The following RAB28 variants were observed in gnomAD, a reference collection of about 807,000 sequenced individuals.
RAB28 encodes RAB28, member RAS oncogene family.
RAB28 carries 24 observed loss-of-function variants against 31.7 expected under a neutral mutation model. That is an observed-to-expected ratio of 0.76 (90% confidence interval 0.55 to 1.06). The LOEUF (loss-of-function observed/expected upper bound fraction) is 1.06. RAB28 is among the 50% of genes least tolerant of loss of function. The probability of loss-of-function intolerance (pLI) is 0.00; values close to 1 mark genes in which losing one functional copy is unlikely to be tolerated. For missense variants in RAB28, 254 were observed against 258.5 expected, an observed-to-expected ratio of 0.98 and a Z score of 0.12; for synonymous variants, 100 against 90.4, an observed-to-expected ratio of 1.11 and a Z score of -0.60.
At chr4:13,440,679 A>G (rs1271297885) in intron 4 of RAB28, among the ~76,000 whole-genome samples, 1 of 152,090 alleles carries the variant, frequency 6.6e-6, no homozygotes, top group Non-Finnish European at 1.5e-5. Context: ...TCTGATGTGG[A>G]CTGAATTGTA....
rs1716761800 is a variant in RAB28, at chr4:13,484,208, C to T, written c.-58G>A. 1 of 1,408,406 alleles carries T rather than the reference C, an allele frequency of 7.1e-7. No individual in the cohort carries two copies. Among genetic ancestry groups the T allele is most frequent in the Non-Finnish European group, 9.8e-7 (1 of 1,017,658 alleles). The allele number at this position is 1,408,406 out of a possible 1,614,324, so 87.2% of individuals were successfully genotyped here. On this transcript the variant is annotated 5_prime_UTR_variant, in exon 1 of 7. Transcript: ENST00000330852. ...TGGGGGGGGAAGGGAAGGATGAAGG[C>T]TCCGGGGGCGGGGGAGAGGAGGAAG...
chr4:13,375,758 A>G (rs1728893523), intron 6 of RAB28, among the ~76,000 whole-genome samples: 3 of 149,920 alleles, frequency 2.0e-5, no homozygotes, highest in South Asian at 4.2e-4. Context: ...ATTTGCTTCA[A>G]TTGTTTTAAA....
intron 4 of RAB28, among the ~76,000 whole-genome samples, chr4:13,414,228 G>A (rs1243635434): frequency 1.3e-5 from 2 of 152,136 alleles, no homozygotes; most frequent in Non-Finnish European, 2.9e-5. Flanking sequence ...TCATAAAAAT[G>A]TTCTGCAGTA....
At chr4:13,433,598 A>G (rs1713936868) in intron 4 of RAB28, among the ~76,000 whole-genome samples, 2 of 152,158 alleles carry the variant, frequency 1.3e-5, no homozygotes, top group Non-Finnish European at 2.9e-5. Flanking sequence ...ACATATCAAA[A>G]CCACAATGAA....
chr4:13,374,818 T>C (rs1371159305), intron 6 of RAB28, among the ~76,000 whole-genome samples: 1 of 152,132 alleles, frequency 6.6e-6, no homozygotes, highest in Non-Finnish European at 1.5e-5. Context: ...CCCATTAGAT[T>C]AATTCTACCT....
chr4:13,379,795 G>T lies in RAB28; in HGVS notation c.495+1696C>A, dbSNP rs942161355. On this transcript the variant is annotated intron_variant, in intron 5 of 6. Transcript: ENST00000330852. Reference sequence around the variant, plus strand: ...GAAATCACTAAGAATTATGACATAGGAATATCAGAGAAAGTATAGTAACCC... The same window carrying T: ...GAAATCACTAAGAATTATGACATAGTAATATCAGAGAAAGTATAGTAACCC... 2.0e-5 allele frequency among the ~76,000 whole-genome samples: 3 copies of T among 152,038 alleles called. No homozygotes were observed. The South Asian group carries it at 6.2e-4, about 32-fold the overall frequency.
intron 4 of RAB28, among the ~76,000 whole-genome samples, chr4:13,423,712 T>C (rs1357692618): frequency 6.6e-6 from 1 of 152,148 alleles, no homozygotes; most frequent in Non-Finnish European, 1.5e-5. Flanking sequence ...CCTTTTCAGA[T>C]AAAGCTTGCC....
chr4:13,406,731 T>G (rs1218345860), intron 4 of RAB28, among the ~76,000 whole-genome samples: 1 of 152,250 alleles, frequency 6.6e-6, no homozygotes, highest in Non-Finnish European at 1.5e-5. Flanking sequence ...GTGGTTTTGA[T>G]ATGCATTTCT....
intron 6 of RAB28, among the ~76,000 whole-genome samples, chr4:13,374,268 G>A (rs1443234560): frequency 2.0e-5 from 3 of 152,100 alleles, no homozygotes; most frequent in Non-Finnish European, 4.4e-5. Flanking sequence ...AATAAACAAA[G>A]TAGATGTGCA....
chr4:13,388,287 A>G (rs549045756), intron 4 of RAB28, among the ~76,000 whole-genome samples: 1 of 152,218 alleles, frequency 6.6e-6, no homozygotes, highest in Admixed American at 6.5e-5. Context: ...TCTCTTCAAC[A>G]AATTATGTTG....
At chr4:13,433,569 C>G (rs1713935308) in intron 4 of RAB28, among the ~76,000 whole-genome samples, 1 of 152,098 alleles carries the variant, frequency 6.6e-6, no homozygotes, top group East Asian at 1.9e-4. Context: ...TGCCCAACAT[C>G]ACTAATCATC....
chr4:13,402,746 C>T (rs1711845132), intron 4 of RAB28, among the ~76,000 whole-genome samples: 1 of 151,782 alleles, frequency 6.6e-6, no homozygotes, highest in Non-Finnish European at 1.5e-5. Flanking sequence ...CTGTAAGGGG[C>T]CAGATAGTAA....
intron 3 of RAB28, among the ~76,000 whole-genome samples, chr4:13,472,040 A>G (rs972382907): frequency 3.9e-5 from 6 of 152,124 alleles, no homozygotes; most frequent in Non-Finnish European, 8.8e-5. Flanking sequence ...TGCTTACTGT[A>G]GGCAGCTTTG....
chr4:13,483,069 G>A (rs1161308301), intron 1 of RAB28, among the ~76,000 whole-genome samples: 2 of 152,192 alleles, frequency 1.3e-5, no homozygotes, highest in Admixed American at 6.5e-5. Flanking sequence ...TTCCCAGAAA[G>A]TGTTGGCGCC....
At chr4:13,473,703 A>C (rs1411490559) in intron 3 of RAB28, 1 of 269,856 alleles carries the variant, frequency 3.7e-6, no homozygotes, top group Non-Finnish European at 7.4e-6. Flanking sequence ...ATATAAGCTC[A>C]TGTTGCGAAA....
intron 4 of RAB28, among the ~76,000 whole-genome samples, chr4:13,382,675 T>C (rs1464829503): frequency 6.6e-6 from 1 of 150,772 alleles, no homozygotes; most frequent in East Asian, 2.0e-4. Context: ...TTATATTGCT[T>C]ACCTTGGAAA....
intron 6 of RAB28, chr4:13,369,820 A>G (rs1728647283): frequency 1.3e-6 from 2 of 1,520,342 alleles, no homozygotes; most frequent in East Asian, 2.3e-5. Context: ...ATAGCATTCA[A>G]TGGTTCTCCC....
chr4:13,391,019 C>A (rs1729604501), intron 4 of RAB28, among the ~76,000 whole-genome samples: 1 of 152,012 alleles, frequency 6.6e-6, no homozygotes, highest in African/African-American at 2.4e-5. Context: ...TCTAAAACAC[C>A]AAAAGCAATG....
At chr4:13,477,815 A>G (rs1716433170) in intron 2 of RAB28, among the ~76,000 whole-genome samples, 2 of 151,540 alleles carry the variant, frequency 1.3e-5, no homozygotes, top group Non-Finnish European at 3.0e-5. Context: ...AATATCAAAT[A>G]TTTTTTACAA....
Sources: allele counts gnomAD v4.1 joint callset (sites outside exome capture counted in the v4.1 genomes callset), GRCh38; gene constraint gnomAD v4.1.1; transcripts MANE v1.5; gene names NCBI Gene and HGNC (gene_info 2026-07-23, HGNC 2026-07-21).